MPPED2: variants seen among roughly 807,000 people sequenced by gnomAD.
MPPED2 encodes metallophosphoesterase domain containing 2.
In MPPED2, 5 loss-of-function variants were observed where a neutral mutation model predicts 33.0. That is an observed-to-expected ratio of 0.15 (90% CI 0.08 to 0.32). MPPED2 has a LOEUF of 0.32. MPPED2 is among the 10% of genes least tolerant of loss of function. The pLI, the probability that MPPED2 is intolerant of heterozygous loss-of-function variation, is 1.00. For missense variants in MPPED2, 275 were observed against 372.1 expected (o/e 0.74, Z 2.15); for synonymous variants, 136 against 141.9 (o/e 0.96, Z 0.29).
At chr11:30,586,611 A>C (rs995300545), upstream of MPPED2, 4 of 152,314 alleles carry the variant, frequency 2.6e-5, no homozygotes, top group Non-Finnish European at 4.4e-5. This position sits in a 1 kb window ranked among gnomAD's most constrained non-coding sequence, Gnocchi z 4.8. Flanking sequence ...GTTCATCATC[A>C]TGAGTGCGAT....
intron 3 of MPPED2, among the ~76,000 whole-genome samples, chr11:30,530,627 A>T (rs1427567916): frequency 1.3e-5 from 2 of 152,204 alleles, no homozygotes; most frequent in Admixed American, 6.5e-5. Context: ...GACATGTTGC[A>T]TTTGAAAAAT....
chr11:30,532,796 C>A (rs962930665), intron 3 of MPPED2, among the ~76,000 whole-genome samples: 1 of 152,060 alleles, frequency 6.6e-6, no homozygotes, highest in Admixed American at 6.6e-5. Context: ...AAGCTGTGCT[C>A]GATTATCTGA....
In MPPED2 at chr11:30,417,540, G is replaced by C; in HGVS notation, c.630C>G (p.Leu210=). 1 of 1,610,892 alleles carries C rather than the reference G, an allele frequency of 6.2e-7. No individual in the cohort carries two copies. Among genetic ancestry groups the C allele is most frequent in the Non-Finnish European group, 8.5e-7 (1 of 1,177,478 alleles). The part of the protein sequence containing the change: ...WNLIPEGIDI[L]MTHGPPLGFR... Reference sequence around the variant, plus strand: ...TACCTAGAGGAGGTCCATGTGTCATGAGTATGTCAATGCCCTCAGGGATGA... The same window carrying C: ...TACCTAGAGGAGGTCCATGTGTCATCAGTATGTCAATGCCCTCAGGGATGA... Residue 210 remains leucine, a synonymous_variant, in exon 5 of 7, where the codon CTC becomes CTG. Transcript: ENST00000358117.
intron 4 of MPPED2, among the ~76,000 whole-genome samples, chr11:30,480,968 T>G (rs1450670665): frequency 6.6e-6 from 1 of 152,124 alleles, no homozygotes; most frequent in East Asian, 1.9e-4. Context: ...GAGTTTTCCC[T>G]ACATAACAGG....
intron 3 of MPPED2, among the ~76,000 whole-genome samples, chr11:30,500,334 C>T (rs1487351691): frequency 2.6e-5 from 4 of 152,188 alleles, no homozygotes; most frequent in African/African-American, 9.7e-5. Flanking sequence ...TCCTTTGCAT[C>T]CTATCTCATC....
chr11:30,463,571 T>G (rs940208344), intron 4 of MPPED2, among the ~76,000 whole-genome samples: 1 of 152,184 alleles, frequency 6.6e-6, no homozygotes, highest in African/African-American at 2.4e-5. Flanking sequence ...TTCTGCGAAG[T>G]GGCTGGCCAT....
At chr11:30,573,580 T>A (rs978221784) in intron 2 of MPPED2, among the ~76,000 whole-genome samples, 1 of 152,168 alleles carries the variant, frequency 6.6e-6, no homozygotes, top group Non-Finnish European at 1.5e-5. Context: ...TGGGACAAGA[T>A]GTGCAGGTGG....
At chr11:30,509,405 A>G (rs767892147) in intron 3 of MPPED2, among the ~76,000 whole-genome samples, 4 of 152,222 alleles carry the variant, frequency 2.6e-5, no homozygotes, top group Non-Finnish European at 5.9e-5. Flanking sequence ...CCGGTAGCTC[A>G]GAGGAGTAAT....
At chr11:30,420,194 G>T (rs1278841924) in intron 4 of MPPED2, among the ~76,000 whole-genome samples, 2 of 152,128 alleles carry the variant, frequency 1.3e-5, no homozygotes, top group African/African-American at 4.8e-5. Context: ...TAACCCCAAG[G>T]GTCCCTAAAA....
chr11:30,416,440 TA>T (rs1288475654), intron 5 of MPPED2, among the ~76,000 whole-genome samples: 1 of 152,226 alleles, frequency 6.6e-6, no homozygotes, highest in Admixed American at 6.5e-5. Context: ...AAATGAATGT[TA>T]TTTTTTTTTC....
At position 30,410,470 on chromosome 11, in the gene MPPED2, G is replaced by A. The variant is rs913487103; in HGVS notation, c.*998C>T. On this transcript the variant is annotated 3_prime_UTR_variant, in exon 7 of 7. Transcript: ENST00000358117. ...GAGAGGAAGTAAGAAGACAACTTGGGGTATTTAAATAGAAAGGACAACTAA... is the reference window on the plus strand; with the variant it reads ...GAGAGGAAGTAAGAAGACAACTTGGAGTATTTAAATAGAAAGGACAACTAA... 5 of 985,554 alleles carry A rather than the reference G, an allele frequency of 5.1e-6. No homozygotes were observed. The African/African-American group carries it at 8.7e-5, about 17-fold the overall frequency. 61.1% of individuals were successfully genotyped at this position (985,554 alleles called of 1,614,324 possible).
exon 7 of MPPED2, chr11:30,388,171 A>C (rs1947726107): frequency 6.6e-6 from 1 of 152,398 alleles, no homozygotes; most frequent in African/African-American, 2.4e-5. Context: ...GGAGAATCAC[A>C]CAATCATCCT....
intron 2 of MPPED2, among the ~76,000 whole-genome samples, chr11:30,548,242 G>GTC (rs1050737925): frequency 4.0e-5 from 6 of 151,692 alleles, no homozygotes; most frequent in Non-Finnish European, 5.9e-5. Context: ...AACTGACGGG[G>GTC]TCTCTCTCTC....
chr11:30,409,352 C>G (rs749249706), downstream of MPPED2, among the ~76,000 whole-genome samples: 5 of 152,310 alleles, frequency 3.3e-5, no homozygotes, highest in Non-Finnish European at 5.9e-5. Context: ...GCACCTCTTT[C>G]GGTCCATGTT....
At chr11:30,560,302 GTTT>G (rs370373531) in intron 2 of MPPED2, among the ~76,000 whole-genome samples, 7 of 144,754 alleles carry the variant, frequency 4.8e-5, no homozygotes, top group African/African-American at 1.8e-4. Flanking sequence ...TGACTAACAA[GTTT>G]TTTTTTTAAA....
At chr11:30,520,811 T>A (rs1953831305) in intron 3 of MPPED2, among the ~76,000 whole-genome samples, 1 of 152,196 alleles carries the variant, frequency 6.6e-6, no homozygotes, top group Admixed American at 6.5e-5. Context: ...TGACTTTTAA[T>A]TTTGGTTGCA....
chr11:30,469,738 C>T (rs1351865143), intron 4 of MPPED2, among the ~76,000 whole-genome samples: 8 of 152,152 alleles, frequency 5.3e-5, no homozygotes, highest in Non-Finnish European at 1.2e-4. Flanking sequence ...TTATCATCTT[C>T]ACCATCATTA....
intron 6 of MPPED2, among the ~76,000 whole-genome samples, chr11:30,413,456 A>C (rs1313131736): frequency 6.6e-6 from 1 of 152,144 alleles, no homozygotes; most frequent in Non-Finnish European, 1.5e-5. Context: ...AAGCCCAGTT[A>C]CCCATGATTT....
chr11:30,503,072 C>T (rs1047916223), intron 3 of MPPED2, among the ~76,000 whole-genome samples: 2 of 152,076 alleles, frequency 1.3e-5, no homozygotes, highest in Non-Finnish European at 2.9e-5. Flanking sequence ...GTTATCCCCA[C>T]GTGTTGTGGG....
Sources: gnomAD v4.1 joint callset for allele counts (sites outside exome capture counted in the v4.1 genomes callset) on GRCh38, gnomAD v4.1.1 for gene constraint, Gnocchi (gnomAD v3.1) non-coding constraint, MANE v1.5 for transcripts, NCBI Gene and HGNC (gene_info 2026-07-23, HGNC 2026-07-21) for gene names.